LYST: variants seen among roughly 807,000 people sequenced by gnomAD.
LYST encodes the protein lysosomal-trafficking regulator.
Under a neutral mutation model 413.6 loss-of-function variants are expected in LYST, and 192 were observed. The observed-to-expected ratio is 0.46, with a 90% confidence interval of 0.41 to 0.52. LYST has a LOEUF of 0.52. Among genes scored for constraint, LYST ranks in the 20% least tolerant of loss-of-function variants. The probability of loss-of-function intolerance (pLI) is 0.00; values close to 1 mark genes in which losing one functional copy is unlikely to be tolerated. For synonymous variants in LYST, 1,525 were observed against 1,567.3 expected, an observed-to-expected ratio of 0.97 and a Z score of 0.64; for missense variants, 3,815 against 4,499.9, an observed-to-expected ratio of 0.85 and a Z score of 4.35.
At chr1:235,831,196 T>C (rs74148836) in intron 2 of LYST, among the ~76,000 whole-genome samples, 3 of 152,032 alleles carry the variant, frequency 2.0e-5, no homozygotes, top group East Asian at 3.9e-4. Flanking sequence ...AAATAAGACA[T>C]GTATTGCCTC....
At chr1:235,670,795 G>T (rs1400335475) in intron 50 of LYST, among the ~76,000 whole-genome samples, 1 of 152,116 alleles carries the variant, frequency 6.6e-6, no homozygotes, top group African/African-American at 2.4e-5. Flanking sequence ...CAGTGGGGAG[G>T]GGGGTTAAGT....
chr1:235,776,676 C>T (rs1176586017), intron 17 of LYST, among the ~76,000 whole-genome samples: 3 of 151,552 alleles, frequency 2.0e-5, no homozygotes, highest in African/African-American at 7.3e-5. Flanking sequence ...ACTCCAAACC[C>T]AAACAAATTA....
intron 50 of LYST, among the ~76,000 whole-genome samples, chr1:235,675,928 T>C (rs990240415): frequency 8.5e-5 from 13 of 152,180 alleles, no homozygotes; most frequent in African/African-American, 2.6e-4. Context: ...ATGTAAAAAA[T>C]GCTAGCAAAG....
At chr1:235,816,184 G>A (rs1283796654) in intron 3 of LYST, among the ~76,000 whole-genome samples, 1 of 123,888 alleles carries the variant, frequency 8.1e-6, no homozygotes, top group Non-Finnish European at 1.6e-5. Context: ...GCTCACACCT[G>A]TAATCCCAGC....
chr1:235,720,173 C>CA (rs71576484), intron 40 of LYST, among the ~76,000 whole-genome samples: 2,797 of 9,442 alleles, frequency 0.3, 989 homozygotes, highest in Non-Finnish European at 0.35. Context: ...GACTCTGTCT[C>CA]AAAAAAAAAA....
At chr1:235,732,198 A>G (rs1664445336) in intron 34 of LYST, among the ~76,000 whole-genome samples, 1 of 152,180 alleles carries the variant, frequency 6.6e-6, no homozygotes, top group Non-Finnish European at 1.5e-5. Context: ...CCCAATAAAG[A>G]GGTAGATGCA....
At chr1:235,845,835 C>T (rs1468334938) in intron 1 of LYST, among the ~76,000 whole-genome samples, 3 of 152,224 alleles carry the variant, frequency 2.0e-5, no homozygotes, top group Non-Finnish European at 2.9e-5. Flanking sequence ...CCCAGCACGA[C>T]CCAACCAAGG....
chr1:235,709,346 A>G (rs1273021388), intron 43 of LYST, 38 bp from the exon 44 acceptor site: 1 of 1,491,286 alleles, frequency 6.7e-7, no homozygotes. Context: ...TAACTCCCCC[A>G]CAGCAAGTTT....
At chr1:235,691,165 G>A (rs183891109) in intron 47 of LYST, among the ~76,000 whole-genome samples, 3,063 of 152,160 alleles carry the variant, frequency 0.02, 110 homozygotes, top group African/African-American at 0.07. Flanking sequence ...TGATCCGCCC[G>A]CCTCGGCCTC....
At chr1:235,850,736 AAAG>A (rs1678430109) in intron 1 of LYST, among the ~76,000 whole-genome samples, 1 of 152,230 alleles carries the variant, frequency 6.6e-6, no homozygotes, top group African/African-American at 2.4e-5. Context: ...ACAGTTCTCA[AAAG>A]AAGATATATA....
At chr1:235,846,783 G>T (rs1677933378) in intron 1 of LYST, among the ~76,000 whole-genome samples, 1 of 152,006 alleles carries the variant, frequency 6.6e-6, no homozygotes, top group Non-Finnish European at 1.5e-5. Flanking sequence ...GAAATTCAGA[G>T]CTCGAAGACA....
intron 21 of LYST, among the ~76,000 whole-genome samples, chr1:235,764,480 C>CT (rs1349549152): frequency 6.0e-5 from 8 of 132,804 alleles, no homozygotes; most frequent in East Asian, 2.1e-4. Context: ...TACTACATTT[C>CT]TTTTTTTTTC....
Position 235,788,641 on chromosome 1 carries a change from C to G in LYST, c.4688+60G>C, listed in dbSNP as rs1285552732. 4 of 1,510,460 alleles carry G rather than the reference C, an allele frequency of 2.6e-6. No individual in the cohort carries two copies. In the African/African-American group the frequency reaches 5.5e-5, roughly 21 times the overall value. The allele number at this position is 1,510,460 out of a possible 1,614,324, so 93.6% of individuals were successfully genotyped here. A position where few individuals can be genotyped will look rare whatever the true frequency, so the allele number is the denominator to read the frequency against. ...TTATTAGTAGATTTCACATTAATGTCTCTTACACAAATTATTTAAATACAT... is the reference window on the plus strand; with the variant it reads ...TTATTAGTAGATTTCACATTAATGTGTCTTACACAAATTATTTAAATACAT... On this transcript the variant is annotated intron_variant, in intron 13 of 52. Coordinates refer to ENST00000389793, the MANE Select transcript of LYST (RefSeq NM_000081.4).
At chr1:235,847,456 AC>A (rs1021324250) in intron 1 of LYST, among the ~76,000 whole-genome samples, 19 of 152,216 alleles carry the variant, frequency 1.2e-4, no homozygotes, top group African/African-American at 4.6e-4. Context: ...GGCCTATAGA[AC>A]AAAAATGCAA....
chr1:235,855,344 C>T, intron 1 of LYST, among the ~76,000 whole-genome samples: 1 of 152,058 alleles, frequency 6.6e-6, no homozygotes, highest in East Asian at 1.9e-4. Flanking sequence ...AGGAAATGTT[C>T]CCCCAGGTAA....
In LYST at chr1:235,801,115, A is replaced by G. The variant is rs1672167777; in HGVS notation, c.3713-18T>C. On this transcript the variant is annotated intron_variant, in intron 8 of 52. Coordinates refer to ENST00000389793, the MANE Select transcript of LYST (RefSeq NM_000081.4). ...GTCTACCCCTGAAAAGAGAAAAGCG[A>G]AAGATTACTTGTATTCCCTAAACAC... 6.9e-7 allele frequency: 1 copy of G among 1,442,226 alleles called. No individual in the cohort carries two copies. The highest frequency in any genetic ancestry group is 1.1e-5 in the South Asian group (1 of 87,576). 89.3% of individuals were successfully genotyped at this position (1,442,226 alleles called of 1,614,324 possible).
chr1:235,667,071 T>A (rs1027421633), intron 50 of LYST, among the ~76,000 whole-genome samples: 1 of 152,208 alleles, frequency 6.6e-6, no homozygotes, highest in African/African-American at 2.4e-5. Flanking sequence ...TAACTACTCA[T>A]CTGCCTACTT....
chr1:235,731,911 T>A (rs1028383469), intron 34 of LYST, among the ~76,000 whole-genome samples: 3 of 152,164 alleles, frequency 2.0e-5, no homozygotes, highest in African/African-American at 7.2e-5. Context: ...TTCTGTGGTA[T>A]GAATCACATT....
chr1:235,815,917 G>A (rs1182902074), intron 3 of LYST, among the ~76,000 whole-genome samples: 1 of 151,954 alleles, frequency 6.6e-6, no homozygotes, highest in East Asian at 1.9e-4. Context: ...CAGATCACAA[G>A]GTCAAGAGAT....
Sources: gnomAD v4.1 joint callset for allele counts (sites outside exome capture counted in the v4.1 genomes callset) on GRCh38, gnomAD v4.1.1 for gene constraint, MANE v1.5 for transcripts, NCBI Gene and HGNC (gene_info 2026-07-23, HGNC 2026-07-21) for gene names.